Variants in CATSPERT observed in about 807,000 individuals in gnomAD.
CATSPERT encodes cation channel sperm-associated targeting subunit tau.
At chr2:201,552,060 G>A in the CATSPERT span, among the ~76,000 whole-genome samples, 3 of 151,100 alleles carry the variant, frequency 2.0e-5, no homozygotes, top group African/African-American at 4.9e-5. Flanking sequence ...GTGCGATCTC[G>A]GCCCCGTGTG....
chr2:201,564,379 C>CTCAG, the CATSPERT span, among the ~76,000 whole-genome samples: 1 of 152,076 alleles, frequency 6.6e-6, no homozygotes, highest in African/African-American at 2.4e-5. Flanking sequence ...ATGTCTGGCA[C>CTCAG]TCAGTCAAAA....
At chr2:201,591,766 T>C in the CATSPERT span, among the ~76,000 whole-genome samples, 1 of 152,064 alleles carries the variant, frequency 6.6e-6, no homozygotes, top group Admixed American at 6.6e-5. Flanking sequence ...GGGAGTTCAC[T>C]CATGATTTGG....
At chr2:201,562,502 CTTTA>C in the CATSPERT span, among the ~76,000 whole-genome samples, 7 of 137,236 alleles carry the variant, frequency 5.1e-5, no homozygotes, top group East Asian at 2.4e-4. Context: ...TCTAATAATT[CTTTA>C]TTTATTTATT....
the CATSPERT span, among the ~76,000 whole-genome samples, chr2:201,556,381 C>T: frequency 9.9e-5 from 15 of 151,898 alleles, no homozygotes; most frequent in Non-Finnish European, 1.8e-4. Context: ...TGGTGGCGGG[C>T]GCCTGTAGTC....
At chr2:201,572,464 T>C in the CATSPERT span, among the ~76,000 whole-genome samples, 1 of 152,240 alleles carries the variant, frequency 6.6e-6, no homozygotes, top group South Asian at 2.1e-4. Context: ...CAAGTTTTTA[T>C]TTTGAACTTT....
chr2:201,555,782 TACC>T, the CATSPERT span: 2 of 152,216 alleles, frequency 1.3e-5, no homozygotes, highest in Admixed American at 1.3e-4. Flanking sequence ...AATCTAGCCC[TACC>T]ACCAACCATC....
chr2:201,619,077 G>A, the CATSPERT span: 2 of 1,614,068 alleles, frequency 1.2e-6, no homozygotes, highest in Admixed American at 3.3e-5. Context: ...GGACCTGCCC[G>A]CTGCGGTTAT....
chr2:201,499,135 A>T, the CATSPERT span, among the ~76,000 whole-genome samples: 2 of 152,172 alleles, frequency 1.3e-5, no homozygotes, highest in Non-Finnish European at 2.9e-5. Context: ...TATAAACATA[A>T]AATGAAGTTT....
At chr2:201,493,579 T>G in the CATSPERT span, 6 of 1,536,972 alleles carry the variant, frequency 3.9e-6, no homozygotes, top group Non-Finnish European at 5.2e-6. Context: ...AGATCTGGGC[T>G]GTGGCAATTC....
chr2:201,595,232 A>G, the CATSPERT span, among the ~76,000 whole-genome samples: 1 of 140,326 alleles, frequency 7.1e-6, no homozygotes, highest in Non-Finnish European at 1.5e-5. Context: ...ACTGTCGCCC[A>G]GGCTGGGGTG....
the CATSPERT span, among the ~76,000 whole-genome samples, chr2:201,543,852 C>G: frequency 6.6e-6 from 1 of 151,962 alleles, no homozygotes; most frequent in Non-Finnish European, 1.5e-5. Flanking sequence ...TATACTTTAA[C>G]TTGCTTTCTT....
the CATSPERT span, among the ~76,000 whole-genome samples, chr2:201,545,106 C>T: frequency 1.5e-4 from 23 of 152,122 alleles, no homozygotes; most frequent in Admixed American, 9.2e-4. Flanking sequence ...GGCAAGATCT[C>T]GGCTCACTGC....
At chr2:201,616,713 T>C in the CATSPERT span, among the ~76,000 whole-genome samples, 74 of 152,272 alleles carry the variant, frequency 4.9e-4, no homozygotes, top group African/African-American at 1.8e-3. Context: ...GCCAGGGCAG[T>C]CAGGCAAGGG....
chr2:201,490,605 G>C, the CATSPERT span, among the ~76,000 whole-genome samples: 2 of 152,226 alleles, frequency 1.3e-5, no homozygotes, highest in Non-Finnish European at 2.9e-5. Flanking sequence ...CAGATGGTGG[G>C]TTGGGGGAGG....
the CATSPERT span, among the ~76,000 whole-genome samples, chr2:201,504,942 C>A: frequency 6.6e-6 from 1 of 152,222 alleles, no homozygotes; most frequent in Non-Finnish European, 1.5e-5. Flanking sequence ...GATTACTAGG[C>A]ATTAGGCCAT....
At chr2:201,499,357 A>G in the CATSPERT span, among the ~76,000 whole-genome samples, 6 of 152,176 alleles carry the variant, frequency 3.9e-5, no homozygotes, top group Non-Finnish European at 5.9e-5. Flanking sequence ...ATAAAATACA[A>G]TTTTAGATTA....
the CATSPERT span, among the ~76,000 whole-genome samples, chr2:201,556,295 G>T: frequency 6.6e-6 from 1 of 151,836 alleles, no homozygotes; most frequent in Non-Finnish European, 1.5e-5. Flanking sequence ...GGATCACGAG[G>T]TCAGGAGATC....
At chr2:201,498,897 A>T in the CATSPERT span, among the ~76,000 whole-genome samples, 1 of 152,164 alleles carries the variant, frequency 6.6e-6, no homozygotes, top group Non-Finnish European at 1.5e-5. Flanking sequence ...TTGGGCCTTG[A>T]CAGGGAAGCA....
chr2:201,604,549 T>C, the CATSPERT span: 1 of 1,105,104 alleles, frequency 9.0e-7, no homozygotes, highest in Non-Finnish European at 1.3e-6. Flanking sequence ...TTTCTGCATA[T>C]ACTGTTTGAT....
Sources: gnomAD v4.1 joint callset for allele counts (sites outside exome capture counted in the v4.1 genomes callset) on GRCh38, gnomAD v4.1.1 for gene constraint, MANE v1.5 for transcripts, NCBI Gene and HGNC (gene_info 2026-07-23, HGNC 2026-07-21) for gene names.